The following LRP12 variants were observed in gnomAD, a reference collection of about 807,000 sequenced individuals.
The protein encoded by LRP12 is LDL receptor related protein 12.
A neutral mutation model predicts 66.0 loss-of-function variants in LRP12; 14 were observed. The observed-to-expected ratio is 0.21, with a 90% confidence interval of 0.14 to 0.33. The LOEUF (loss-of-function observed/expected upper bound fraction) is 0.33, where lower values mean the gene tolerates loss of function less well. Ranked by LOEUF, LRP12 falls within the 10% of genes least tolerant of loss-of-function variation. The pLI is 1.00. For synonymous variants in LRP12, 357 were observed against 359.1 expected, an observed-to-expected ratio of 0.99 and a Z score of 0.07; for missense variants, 889 against 1,053.4, an observed-to-expected ratio of 0.84 and a Z score of 2.16.
chr8:104,529,969 C>T (rs1205373032), intron 2 of LRP12, among the ~76,000 whole-genome samples: 1 of 152,082 alleles, frequency 6.6e-6, no homozygotes, highest in East Asian at 1.9e-4. Context: ...CATGATGTTG[C>T]AAAAGACTGA....
At chr8:104,511,328 C>T (rs2140845160) in intron 2 of LRP12, among the ~76,000 whole-genome samples, 1 of 151,714 alleles carries the variant, frequency 6.6e-6, no homozygotes, top group African/African-American at 2.4e-5. Context: ...AGGCGTGAGC[C>T]ACCGCGCCCA....
At chr8:104,556,877 T>G (rs2140884408) in intron 1 of LRP12, among the ~76,000 whole-genome samples, 1 of 152,248 alleles carries the variant, frequency 6.6e-6, no homozygotes, top group Non-Finnish European at 1.5e-5. Flanking sequence ...AAATACCAGC[T>G]AACCAAATCC....
At chr8:104,548,678 C>T (rs555519910) in intron 1 of LRP12, among the ~76,000 whole-genome samples, 820 of 76,184 alleles carry the variant, frequency 0.011, 10 homozygotes, top group African/African-American at 0.042. Flanking sequence ...AATATGGGTG[C>T]AGTGGCTCAC....
At chr8:104,547,163 C>T (rs896886904) in intron 1 of LRP12, among the ~76,000 whole-genome samples, 1 of 140,938 alleles carries the variant, frequency 7.1e-6, no homozygotes, top group Non-Finnish European at 1.5e-5. Context: ...TTATATCATA[C>T]TTTGTATATA....
chr8:104,508,924 G>A lies in LRP12; in HGVS notation c.272+15C>T. On this transcript the variant is annotated intron_variant, in intron 3 of 6. Coordinates refer to ENST00000276654, the MANE Select transcript of LRP12 (RefSeq NM_013437.5). ...TTGTAATAAATTATATAGTAATACAGAAAGGTAGAATTACCTTATAGTAAT... is the reference window on the plus strand; with the variant it reads ...TTGTAATAAATTATATAGTAATACAAAAAGGTAGAATTACCTTATAGTAAT... The A allele has an allele frequency of 6.3e-7, 1 of 1,599,526 alleles. No homozygotes were observed. Among genetic ancestry groups the A allele is most frequent in the Non-Finnish European group, 8.5e-7 (1 of 1,170,372 alleles).
intron 2 of LRP12, among the ~76,000 whole-genome samples, chr8:104,519,233 C>T (rs1045381225): frequency 2.0e-5 from 3 of 151,890 alleles, no homozygotes; most frequent in African/African-American, 4.8e-5. Flanking sequence ...AGCCAAGCTG[C>T]GTTATAATGT....
intron 1 of LRP12, among the ~76,000 whole-genome samples, chr8:104,587,600 C>T (rs1812354183): frequency 6.6e-6 from 1 of 152,116 alleles, no homozygotes; most frequent in African/African-American, 2.4e-5. Flanking sequence ...CAGTAAATGC[C>T]CAATTACGTT....
chr8:104,541,117 T>C (rs371922211), intron 1 of LRP12, among the ~76,000 whole-genome samples: 5 of 152,336 alleles, frequency 3.3e-5, no homozygotes, highest in East Asian at 3.9e-4. Context: ...AGATTTTATG[T>C]TTGAAATGTC....
chr8:104,574,243 T>C (rs999498993), intron 1 of LRP12, among the ~76,000 whole-genome samples: 5 of 152,212 alleles, frequency 3.3e-5, no homozygotes, highest in Admixed American at 1.3e-4. Flanking sequence ...GGTTTCTTAT[T>C]GTCATTTTAA....
In LRP12 at chr8:104,548,194, A is replaced by ACATATT. The variant is rs561640568; in HGVS notation, c.80-16232_80-16231insAATATG. On this transcript the variant is annotated intron_variant, in intron 1 of 6. Coordinates refer to ENST00000276654, the MANE Select transcript of LRP12 (RefSeq NM_013437.5). ...ATAATATAATATATAATATATATAT[A>ACATATT]AATATATGATATATTTATATTAATA... 7.6e-3 allele frequency among the ~76,000 whole-genome samples: 602 copies of ACATATT among 79,636 alleles called. 10 individuals carry two copies. The highest frequency in any genetic ancestry group is 0.014 in the Admixed American group (73 of 5,228). 52.2% of individuals were successfully genotyped at this position (79,636 alleles called of 152,430 possible).
intron 1 of LRP12, among the ~76,000 whole-genome samples, chr8:104,548,338 A>AT (rs1434143400): frequency 4.6e-4 from 4 of 8,762 alleles, no homozygotes; most frequent in Admixed American, 5.6e-3. Flanking sequence ...ATATTATATA[A>AT]ATATATAAAT....
rs1384848973 is a variant in LRP12 at position 104,588,987 on chromosome 8, G to GCCGCCGCCGCCT, written c.-91_-90insAGGCGGCGGCGG. 20 of 859,626 alleles carry GCCGCCGCCGCCT rather than the reference G, an allele frequency of 2.3e-5. No homozygotes were observed. Among genetic ancestry groups the GCCGCCGCCGCCT allele is most frequent in the Non-Finnish European group, 3.3e-5 (19 of 573,754 alleles). The allele number at this position is 859,626 out of a possible 1,614,324, so 53.2% of individuals were successfully genotyped here. Reference sequence around the variant, plus strand: ...CGACGCCGACGCCGCCGCCGCCGCCGCCGCCGCCGCCGAGCCACCGGCTGC... The same window carrying GCCGCCGCCGCCT: ...CGACGCCGACGCCGCCGCCGCCGCCGCCGCCGCCGCCTCCGCCGCCGCCGAGCCACCGGCTGC... On this transcript the variant is annotated 5_prime_UTR_variant, in exon 1 of 7. Coordinates refer to ENST00000276654, the MANE Select transcript of LRP12 (RefSeq NM_013437.5).
chr8:104,540,066 T>G (rs566981230), intron 1 of LRP12, among the ~76,000 whole-genome samples: 2 of 152,216 alleles, frequency 1.3e-5, no homozygotes, highest in African/African-American at 4.8e-5. Flanking sequence ...GAGAACATTT[T>G]CAGTGAATTT....
intron 2 of LRP12, among the ~76,000 whole-genome samples, chr8:104,522,337 G>C (rs865964069): frequency 6.6e-6 from 1 of 151,986 alleles, no homozygotes; most frequent in Non-Finnish European, 1.5e-5. Flanking sequence ...ACTATAAAAT[G>C]CAAATACATA....
intron 1 of LRP12, 21 bp downstream of exon 1, chr8:104,588,798 C>A: frequency 6.2e-7 from 1 of 1,609,062 alleles, no homozygotes; most frequent in South Asian, 1.1e-5. Context: ...GTCAGCGGGG[C>A]GCGGGGACGC....
At chr8:104,533,000 T>C (rs1243430529) in intron 1 of LRP12, among the ~76,000 whole-genome samples, 1 of 152,088 alleles carries the variant, frequency 6.6e-6, no homozygotes, top group Non-Finnish European at 1.5e-5. Flanking sequence ...TTTTTGTAAC[T>C]GTGTAAAGTA....
intron 3 of LRP12, among the ~76,000 whole-genome samples, chr8:104,500,131 G>T (rs901259906): frequency 6.6e-6 from 1 of 152,130 alleles, no homozygotes; most frequent in African/African-American, 2.4e-5. Flanking sequence ...GTGGGCATAA[G>T]TATAGGCCAA....
chr8:104,537,205 A>C (rs946579439), intron 1 of LRP12, among the ~76,000 whole-genome samples: 2 of 152,012 alleles, frequency 1.3e-5, no homozygotes, highest in African/African-American at 4.8e-5. Flanking sequence ...TTGAGGGAGA[A>C]CCCAAGCAAA....
In LRP12 at chr8:104,507,339, C is replaced by A. The variant is rs570093997; in HGVS notation, c.272+1600G>T. The A allele has an allele frequency of 5.9e-5, 9 of 152,258 alleles. No individual in the cohort carries two copies. In the East Asian group the frequency reaches 1.7e-3, roughly 29 times the overall value. 9.4% of individuals were successfully genotyped at this position (152,258 alleles called of 1,614,324 possible). A position where few individuals can be genotyped will look rare whatever the true frequency, so the allele number is the denominator to read the frequency against. ...GAAATTTTCCTTTAGCTGTAGGGCT[C>A]ACTTCAATTTTATTCTGCATTTCAG... On this transcript the variant is annotated intron_variant, in intron 3 of 6. Transcript: ENST00000276654.
Sources: allele counts gnomAD v4.1 joint callset (sites outside exome capture counted in the v4.1 genomes callset), GRCh38; gene constraint gnomAD v4.1.1; transcripts MANE v1.5; gene names NCBI Gene and HGNC (gene_info 2026-07-23, HGNC 2026-07-21).